DLEU7: variants seen among roughly 807,000 people sequenced by gnomAD.
DLEU7 encodes the protein leukemia-associated protein 7.
Under a neutral mutation model 16.0 loss-of-function variants are expected in DLEU7, and 17 were observed. The observed-to-expected ratio is 1.06, with a 90% CI of 0.73 to 1.59. The LOEUF (loss-of-function observed/expected upper bound fraction) is 1.59, where lower values mean the gene tolerates loss of function less well. Among genes scored for constraint, DLEU7 ranks in the 40% most tolerant of loss-of-function variants. The pLI, the probability that DLEU7 is intolerant of heterozygous loss-of-function variation, is 0.00. For missense variants in DLEU7, 308 were observed against 314.9 expected (o/e 0.98, Z 0.17); for synonymous variants, 113 against 139.8 (o/e 0.81, Z 1.35).
intron 1 of DLEU7, among the ~76,000 whole-genome samples, chr13:50,839,118 G>T (rs191733585): frequency 2.2e-4 from 33 of 152,338 alleles, no homozygotes; most frequent in Admixed American, 1.8e-3. Flanking sequence ...TACAACTACG[G>T]CCCCTAAGAT....
intron 1 of DLEU7, among the ~76,000 whole-genome samples, chr13:50,778,526 T>C (rs1001548183): frequency 3.9e-5 from 6 of 152,242 alleles, no homozygotes; most frequent in Non-Finnish European, 7.3e-5. Flanking sequence ...ACTGGACATG[T>C]TTACATTTGG....
At chr13:50,736,510 TAAAGA>T (rs939902003) in intron 1 of DLEU7, among the ~76,000 whole-genome samples, 10 of 151,866 alleles carry the variant, frequency 6.6e-5, no homozygotes, top group African/African-American at 2.4e-4. Context: ...AAATAAAAGT[TAAAGA>T]AAAGAAAGAT....
At chr13:50,736,118 A>G (rs1345502664) in intron 1 of DLEU7, among the ~76,000 whole-genome samples, 2 of 152,184 alleles carry the variant, frequency 1.3e-5, no homozygotes, top group East Asian at 3.8e-4. Context: ...ATACCCATCC[A>G]TGGTAGACTG....
At chr13:50,778,637 A>T (rs950066934) in intron 1 of DLEU7, among the ~76,000 whole-genome samples, 1 of 152,248 alleles carries the variant, frequency 6.6e-6, no homozygotes, top group African/African-American at 2.4e-5. Flanking sequence ...CATTCTTTGT[A>T]TCAGAGAATA....
In DLEU7 at chr13:50,806,482, C is replaced by A. The variant is rs79885307; in HGVS notation, c.459+36706G>T. Among the ~76,000 whole-genome samples the A allele has an allele frequency of 2.4e-3, 360 of 152,116 alleles. 19 individuals carry two copies. The East Asian group carries it at 0.062, about 26-fold the overall frequency. ...TAGTTCTCAATGAAGAACATAAACACAACTTTTTAAAAAACATGTATTAGT... is the reference window on the plus strand; with the variant it reads ...TAGTTCTCAATGAAGAACATAAACAAAACTTTTTAAAAAACATGTATTAGT... On this transcript the variant is annotated intron_variant, in intron 1 of 1. Transcript: ENST00000400393.
intron 1 of DLEU7, among the ~76,000 whole-genome samples, chr13:50,831,302 A>G (rs1239774742): frequency 6.6e-6 from 1 of 152,184 alleles, no homozygotes; most frequent in Non-Finnish European, 1.5e-5. Flanking sequence ...GGAGGCCATC[A>G]GTAAGCTTTT....
At chr13:50,793,363 A>G (rs1282594168) in intron 1 of DLEU7, among the ~76,000 whole-genome samples, 2 of 152,162 alleles carry the variant, frequency 1.3e-5, no homozygotes, top group African/African-American at 4.8e-5. Flanking sequence ...CTTTGGGTAG[A>G]TACCCAGTAG....
At chr13:50,714,698 C>G (rs2137700059) in intron 1 of DLEU7, among the ~76,000 whole-genome samples, 1 of 152,252 alleles carries the variant, frequency 6.6e-6, no homozygotes, top group East Asian at 1.9e-4. Context: ...AAAATGCTTC[C>G]TCCTCCCTTC....
chr13:50,776,966 A>G (rs1160133235), intron 1 of DLEU7, among the ~76,000 whole-genome samples: 1 of 152,132 alleles, frequency 6.6e-6, no homozygotes, highest in Non-Finnish European at 1.5e-5. Flanking sequence ...CCAGATTTCC[A>G]TCTTCTCTTG....
intron 1 of DLEU7, among the ~76,000 whole-genome samples, chr13:50,838,256 C>T (rs928348451): frequency 3.9e-5 from 6 of 152,192 alleles, no homozygotes; most frequent in Admixed American, 6.5e-5. Context: ...TACCAGAATG[C>T]GCTCATTGAA....
At chr13:50,759,117 AT>A (rs1176619988) in intron 1 of DLEU7, among the ~76,000 whole-genome samples, 1 of 152,214 alleles carries the variant, frequency 6.6e-6, no homozygotes, top group East Asian at 1.9e-4. Flanking sequence ...TTGCAAACAC[AT>A]TCCCTTAGAC....
In DLEU7 at chr13:50,746,144, G is replaced by A. The variant is rs573470576; in HGVS notation, c.460-32904C>T. ...TTCCTAAGGTCTTTAGCAGAATCAA[G>A]CTCTTAGAGTAGTACCTGGCACACA... On this transcript the variant is annotated intron_variant, in intron 1 of 1. Coordinates refer to the DLEU7 transcript ENST00000400393. Among the ~76,000 whole-genome samples, 211 of 152,290 alleles carry A rather than the reference G, an allele frequency of 1.4e-3. 1 individual carries two copies. Among genetic ancestry groups the A allele is most frequent in the Admixed American group, 5.1e-3 (78 of 15,296 alleles).
chr13:50,747,310 T>C (rs543184358), intron 1 of DLEU7, among the ~76,000 whole-genome samples: 2 of 150,940 alleles, frequency 1.3e-5, no homozygotes, highest in South Asian at 2.1e-4. Flanking sequence ...ACAATACATA[T>C]TTTAAAAAGA....
At chr13:50,762,848 G>C (rs1874979949) in intron 1 of DLEU7, among the ~76,000 whole-genome samples, 1 of 148,612 alleles carries the variant, frequency 6.7e-6, no homozygotes, top group Admixed American at 6.7e-5. Flanking sequence ...ATTACAAAAA[G>C]TCCCCCTGCA....
chr13:50,766,692 G>T (rs1423570138), intron 1 of DLEU7, among the ~76,000 whole-genome samples: 1 of 152,076 alleles, frequency 6.6e-6, no homozygotes, highest in African/African-American at 2.4e-5. Context: ...CTGTTCATGA[G>T]AAATCCCTGC....
At chr13:50,770,209 A>G (rs961879755) in intron 1 of DLEU7, among the ~76,000 whole-genome samples, 9 of 152,192 alleles carry the variant, frequency 5.9e-5, no homozygotes, top group African/African-American at 1.9e-4. Context: ...CAATCATGTC[A>G]TCTGCAAACA....
At chr13:50,772,972 CT>C (rs1224621166) in intron 1 of DLEU7, among the ~76,000 whole-genome samples, 2 of 152,206 alleles carry the variant, frequency 1.3e-5, no homozygotes, top group Admixed American at 1.3e-4. Flanking sequence ...TTTCTTTTTA[CT>C]CTTTTTTCTC....
chr13:50,819,293 A>G (rs150314958), downstream of DLEU7, among the ~76,000 whole-genome samples: 292 of 152,232 alleles, frequency 1.9e-3, 1 homozygote, highest in Middle Eastern at 0.01. Flanking sequence ...AATCGTTGTC[A>G]TATTTGAAGA....
chr13:50,802,101 C>G (rs945307640), intron 1 of DLEU7, among the ~76,000 whole-genome samples: 3 of 66,986 alleles, frequency 4.5e-5, no homozygotes. Context: ...GCAAAATGAA[C>G]AAGGGAGCCT....
Sources: gnomAD v4.1 joint callset for allele counts (sites outside exome capture counted in the v4.1 genomes callset) on GRCh38, gnomAD v4.1.1 for gene constraint, MANE v1.5 for transcripts, NCBI Gene and HGNC (gene_info 2026-07-23, HGNC 2026-07-21) for gene names.